CARM1: variants seen among roughly 807,000 people sequenced by gnomAD.
CARM1 encodes coactivator associated arginine methyltransferase 1, also known as histone-arginine methyltransferase CARM1.
Under a neutral mutation model 72.7 loss-of-function variants are expected in CARM1, and 14 were observed. The observed-to-expected ratio is 0.19, with a 90% CI of 0.13 to 0.30. The LOEUF is 0.30. CARM1 is among the 10% of genes least tolerant of loss of function. CARM1 has a pLI of 1.00. For missense variants in CARM1, 432 were observed against 833.7 expected (o/e 0.52, Z 5.93); for synonymous variants, 333 against 345.5 (o/e 0.96, Z 0.40).
chr19:10,908,181 C>A (rs766544932), intron 3 of CARM1, 36 bp downstream of exon 3: 3 of 1,386,824 alleles, frequency 2.2e-6, no homozygotes, highest in East Asian at 2.3e-5. Context: ...GCCGCCTCCC[C>A]CCGGCAGCCC....
Position 10,921,366 on chromosome 19 carries a change from G to A in CARM1, c.1616-9G>A, listed in dbSNP as rs772289993. The A allele has an allele frequency of 8.1e-6, 13 of 1,610,208 alleles. No individual in the cohort carries two copies. The highest frequency in any genetic ancestry group is 2.2e-5 in the South Asian group (2 of 90,710). Reference sequence around the variant, plus strand: ...CTCCCTTCCTTCTTTCCTCCCTCTCGCTGCGCAGCCAACACGGGGATTGTC... The same window carrying A: ...CTCCCTTCCTTCTTTCCTCCCTCTCACTGCGCAGCCAACACGGGGATTGTC... On this transcript the variant is annotated splice_polypyrimidine_tract_variant and intron_variant, in intron 14 of 15. Transcript: ENST00000327064.
At chr19:10,894,443 C>T (rs957697204) in intron 1 of CARM1, among the ~76,000 whole-genome samples, 1 of 152,136 alleles carries the variant, frequency 6.6e-6, no homozygotes, top group South Asian at 2.1e-4. Flanking sequence ...ACCTAACTCT[C>T]CTCCTTTGAT....
chr19:10,919,908 C>T lies in CARM1; in HGVS notation c.1138C>T (p.His380Tyr), dbSNP rs2074226525. 2 of 1,614,040 alleles carry T rather than the reference C, an allele frequency of 1.2e-6. No individual in the cohort carries two copies. The highest frequency in any genetic ancestry group is 1.7e-5 in the Admixed American group (1 of 60,010). Residue 380 changes from histidine to tyrosine, a missense_variant, in exon 10 of 16, where the codon CAT becomes TAT. This residue lies in a region of CARM1 where 152 missense variants were observed against 452.8 expected (regional missense o/e 0.34). Coordinates refer to ENST00000327064, the MANE Select transcript of CARM1 (RefSeq NM_199141.2). ...AATCCCATTCAAATTCCACATGCTG[C>T]ATTCAGGGCTGGTCCACGGCCTGGC... Reference protein sequence around the residue: ...IEIPFKFHMLHSGLVHGLAFW... With the variant: ...IEIPFKFHMLYSGLVHGLAFW...
At chr19:10,913,005 G>C (rs886660451) in intron 5 of CARM1, among the ~76,000 whole-genome samples, 6 of 152,122 alleles carry the variant, frequency 3.9e-5, no homozygotes, top group Non-Finnish European at 8.8e-5. Flanking sequence ...TGTGATGTCT[G>C]CTCGTCCCCC....
intron 2 of CARM1, among the ~76,000 whole-genome samples, chr19:10,907,744 G>A (rs2074115610): frequency 1.3e-5 from 2 of 152,118 alleles, no homozygotes; most frequent in Non-Finnish European, 2.9e-5. Context: ...GTGTGCTTGA[G>A]AGAGCTTCAC....
chr19:10,875,570 G>A (rs1387723187), intron 1 of CARM1, among the ~76,000 whole-genome samples: 15 of 151,800 alleles, frequency 9.9e-5, no homozygotes, highest in Admixed American at 5.9e-4. Context: ...GACTACAGGC[G>A]CCCGCCACCA....
chr19:10,911,642 T>C (rs1346181767), intron 4 of CARM1, among the ~76,000 whole-genome samples: 2 of 152,156 alleles, frequency 1.3e-5, no homozygotes, highest in South Asian at 4.1e-4. Flanking sequence ...GTGGAAGCAA[T>C]CCCACAAATC....
intron 1 of CARM1, among the ~76,000 whole-genome samples, chr19:10,897,652 C>A (rs1254113298): frequency 6.6e-6 from 1 of 152,182 alleles, no homozygotes; most frequent in Admixed American, 6.6e-5. Context: ...GAGACTCCAC[C>A]TGGAGATCCC....
chr19:10,920,382 G>A lies in CARM1; in HGVS notation c.1197-54G>A, dbSNP rs751817185. The A allele has an allele frequency of 1.3e-6, 2 of 1,575,690 alleles. No individual in the cohort carries two copies. Among genetic ancestry groups the A allele is most frequent in the Non-Finnish European group, 1.7e-6 (2 of 1,155,966 alleles). On this transcript the variant is annotated intron_variant, in intron 10 of 15. Transcript: ENST00000327064. The surrounding 1 kb of genome is among the most constrained non-coding windows in gnomAD (Gnocchi z 5.3). Reference sequence around the variant, plus strand: ...GAGGACTCAAGGCATACAAGGTGGTGGCTCCAGTGGTGGCGCCGGCCCAGT... The same window carrying A: ...GAGGACTCAAGGCATACAAGGTGGTAGCTCCAGTGGTGGCGCCGGCCCAGT...
intron 1 of CARM1, among the ~76,000 whole-genome samples, chr19:10,885,500 A>G (rs970808310): frequency 6.6e-6 from 1 of 151,786 alleles, no homozygotes; most frequent in African/African-American, 2.4e-5. Flanking sequence ...CATGGGTGCT[A>G]CTCCTGGCGA....
intron 8 of CARM1, 136 bp from the exon 9 acceptor site, chr19:10,919,459 C>T (rs2074223071): frequency 6.1e-6 from 4 of 657,008 alleles, no homozygotes; most frequent in Admixed American, 2.6e-5. Context: ...CTCCTCACGG[C>T]GTGTCTGGGA....
At chr19:10,897,813 C>A (rs1397526203) in intron 1 of CARM1, among the ~76,000 whole-genome samples, 1 of 152,076 alleles carries the variant, frequency 6.6e-6, no homozygotes, top group Non-Finnish European at 1.5e-5. Context: ...CGAGGTGAAA[C>A]CCTGTCTCTA....
chr19:10,873,680 C>T lies in CARM1; in HGVS notation c.220+1758C>T, dbSNP rs557701261. On this transcript the variant is annotated intron_variant, in intron 1 of 15. Coordinates refer to ENST00000327064, the MANE Select transcript of CARM1 (RefSeq NM_199141.2). The stretch of plus-strand genomic sequence containing the variant: ...TTTGAGACAGAGTCTTGCTCGGTCC[C>T]CCAGGCTGAAGTGCAGTGGCTCAAT... 1.5e-3 allele frequency among the ~76,000 whole-genome samples: 202 copies of T among 134,098 alleles called. 1 individual carries two copies. Among genetic ancestry groups the T allele is most frequent in the Non-Finnish European group, 2.7e-3 (171 of 64,230 alleles). The allele number at this position is 134,098 out of a possible 152,430, so 88.0% of individuals were successfully genotyped here.
chr19:10,904,940 T>G lies in CARM1; in HGVS notation c.221-11T>G, dbSNP rs200432430. 7.8e-5 allele frequency: 126 copies of G among 1,613,906 alleles called. No individual in the cohort carries two copies. In the Middle Eastern group the frequency reaches 1.3e-3, roughly 17 times the overall value. Reference sequence around the variant, plus strand: ...GCTGCACCGCTCACGCCAGCCTGTCTTCTCTCGTAGATGAAGATGTGTGTG... The same window carrying G: ...GCTGCACCGCTCACGCCAGCCTGTCGTCTCTCGTAGATGAAGATGTGTGTG... On this transcript the variant is annotated splice_polypyrimidine_tract_variant and intron_variant, in intron 1 of 15. Transcript: ENST00000327064.
intron 1 of CARM1, among the ~76,000 whole-genome samples, chr19:10,874,084 G>T (rs761120192): frequency 1.3e-5 from 2 of 152,150 alleles, no homozygotes; most frequent in Non-Finnish European, 2.9e-5. Flanking sequence ...TATTAAGACA[G>T]CACTTCTCTT....
At chr19:10,918,523 T>C (rs2074215870) in intron 8 of CARM1, among the ~76,000 whole-genome samples, 1 of 152,314 alleles carries the variant, frequency 6.6e-6, no homozygotes, top group Non-Finnish European at 1.5e-5. Flanking sequence ...GCACCTGGCG[T>C]TGAGCCTCTT....
intron 1 of CARM1, among the ~76,000 whole-genome samples, chr19:10,880,761 G>A (rs1048047911): frequency 2.6e-5 from 4 of 152,150 alleles, no homozygotes; most frequent in African/African-American, 7.2e-5. Context: ...GACAAGAATC[G>A]GTAGCTGTGA....
rs531079100 is a variant in CARM1 at position 10,915,802 on chromosome 19, C to T, written c.848-605C>T. Among the ~76,000 whole-genome samples the T allele has an allele frequency of 2.9e-4, 44 of 152,274 alleles. No homozygotes were observed. Among genetic ancestry groups the T allele is most frequent in the African/African-American group, 1.1e-3 (44 of 41,560 alleles). Reference sequence around the variant, plus strand: ...CACTGGCCCTGACTCATGCGTCTACCCTTGAGTCACAGAGGGAGGCCCTGC... The same window carrying T: ...CACTGGCCCTGACTCATGCGTCTACTCTTGAGTCACAGAGGGAGGCCCTGC... On this transcript the variant is annotated intron_variant, in intron 6 of 15. Coordinates refer to ENST00000327064, the MANE Select transcript of CARM1 (RefSeq NM_199141.2). This position sits in a 1 kb window ranked among gnomAD's most constrained non-coding sequence, Gnocchi z 4.6.
rs563732787 is a variant in CARM1, at chr19:10,890,105, T to A, written c.221-14846T>A. ...TCTACAGAAAAATAAAAAATTAGCCTTCCATGGTGGTGCATGCAAGCCTGG... is the reference window on the plus strand; with the variant it reads ...TCTACAGAAAAATAAAAAATTAGCCATCCATGGTGGTGCATGCAAGCCTGG... On this transcript the variant is annotated intron_variant, in intron 1 of 15. Transcript: ENST00000327064. 3.9e-5 allele frequency among the ~76,000 whole-genome samples: 6 copies of A among 152,052 alleles called. No homozygotes were observed. The East Asian group carries it at 7.7e-4, about 20-fold the overall frequency.
Sources: gnomAD v4.1 joint callset for allele counts (sites outside exome capture counted in the v4.1 genomes callset) on GRCh38, gnomAD v4.1.1 for gene constraint, gnomAD v4.1.1 regional missense constraint, Gnocchi (gnomAD v3.1) non-coding constraint, MANE v1.5 for transcripts, NCBI Gene and HGNC (gene_info 2026-07-23, HGNC 2026-07-21) for gene names.